The following CMYA5 variants were observed in gnomAD, a reference collection of about 807,000 sequenced individuals.
CMYA5 encodes the protein cardiomyopathy-associated protein 5.
A neutral mutation model predicts 318.9 loss-of-function variants in CMYA5; 246 were observed. That is an observed-to-expected ratio of 0.77 (90% confidence interval 0.70 to 0.86). CMYA5 has a LOEUF of 0.86. Ranked by LOEUF, CMYA5 falls within the 40% of genes least tolerant of loss-of-function variation. The pLI is 0.00. For missense variants in CMYA5, 4,589 were observed against 4,678.2 expected (o/e 0.98, Z 0.56); for synonymous variants, 1,641 against 1,729.5 (o/e 0.95, Z 1.27).
rs1298742931 is a variant in CMYA5 at position 79,731,703 on chromosome 5, TCAC to T, written c.2941_2943del (p.Pro981del). 6.2e-7 allele frequency: 1 copy of T among 1,613,954 alleles called. No individual in the cohort carries two copies. The highest frequency in any genetic ancestry group is 1.1e-5 in the South Asian group (1 of 91,076). On this transcript the variant is annotated inframe_deletion, in exon 2 of 13. Transcript: ENST00000446378. ...GTGCGATTCTCCAATATGTTTAACA[TCAC>T]CATCTGAGCACACTATTTTGTCAGA...
At chr5:79,713,108 G>A (rs1328681451) in intron 1 of CMYA5, among the ~76,000 whole-genome samples, 1 of 152,208 alleles carries the variant, frequency 6.6e-6, no homozygotes. Flanking sequence ...GGTTGGTGTT[G>A]CCTATGGTTG....
At chr5:79,761,736 A>G in intron 7 of CMYA5, 75 bp from the exon 8 acceptor site, 1 of 1,460,520 alleles carries the variant, frequency 6.8e-7, no homozygotes, top group Non-Finnish European at 9.2e-7. Context: ...AAAATCATAG[A>G]TGACTTTCTC....
chr5:79,698,648 G>T (rs1384392842), intron 1 of CMYA5, among the ~76,000 whole-genome samples: 1 of 152,216 alleles, frequency 6.6e-6, no homozygotes, highest in Non-Finnish European at 1.5e-5. Flanking sequence ...TTCCTCAACT[G>T]CCCTGCCACA....
In CMYA5 at chr5:79,734,487, C is replaced by T; in HGVS notation, c.5722C>T (p.Gln1908Ter). ...AGAAAATGTGGCTAGTCAACACGAA[C>T]AGAGAATAGCAGGATCTGTGCAGCT... is the stretch of plus-strand genomic sequence containing the variant. ...KPENVASQHEQRIAGSVQLDS... is the reference protein window; with the variant it reads ...KPENVASQHE Residue 1908 changes from glutamine (Q) to a stop codon, truncating the protein, a stop_gained, in exon 2 of 13, where the codon CAG becomes TAG. Coordinates refer to ENST00000446378, the MANE Select transcript of CMYA5 (RefSeq NM_153610.5). LOFTEE classifies it high-confidence loss of function. 1 of 1,613,678 alleles carries T rather than the reference C, an allele frequency of 6.2e-7. No individual in the cohort carries two copies. Among genetic ancestry groups the T allele is most frequent in the Middle Eastern group, 1.7e-4 (1 of 6,056 alleles).
intron 1 of CMYA5, among the ~76,000 whole-genome samples, chr5:79,694,247 A>C (rs1448110529): frequency 6.6e-6 from 1 of 152,244 alleles, no homozygotes; most frequent in East Asian, 1.9e-4. Context: ...CAAACAAAAA[A>C]CAAGGAAAGC....
At chr5:79,722,921 C>T (rs930533260) in intron 1 of CMYA5, among the ~76,000 whole-genome samples, 1 of 151,990 alleles carries the variant, frequency 6.6e-6, no homozygotes, top group Non-Finnish European at 1.5e-5. Context: ...AAAAGAAATT[C>T]TGAAGTCATA....
intron 1 of CMYA5, among the ~76,000 whole-genome samples, chr5:79,725,560 A>T (rs1206471129): frequency 6.6e-6 from 1 of 152,204 alleles, no homozygotes; most frequent in East Asian, 1.9e-4. Flanking sequence ...ACTCAGCATC[A>T]AACAGTATAC....
chr5:79,756,719 A>G (rs1828537425), intron 6 of CMYA5, among the ~76,000 whole-genome samples: 1 of 151,872 alleles, frequency 6.6e-6, no homozygotes, highest in African/African-American at 2.4e-5. Flanking sequence ...CTTTAGACCC[A>G]TTTGTGTTTT....
Position 79,793,584 on chromosome 5 carries a change from G to T in CMYA5, c.11937G>T (p.Trp3979Cys). The T allele has an allele frequency of 6.2e-7, 1 of 1,612,572 alleles. No individual in the cohort carries two copies. Among genetic ancestry groups the T allele is most frequent in the Non-Finnish European group, 8.5e-7 (1 of 1,178,808 alleles). ...CCCTAGGACAAGGGGAGACCTCATGGTACATGCACTGCTCTGAGCCACAGA... is the reference window on the plus strand; with the variant it reads ...CCCTAGGACAAGGGGAGACCTCATGTTACATGCACTGCTCTGAGCCACAGA... ...AGALGQGETS[W>C]YMHCSEPQRY... The change falls in exon 12 of 13, where the codon TGG becomes TGT. Residue 3979 changes from tryptophan to cysteine, a missense_variant. Around this residue, in one of 3 missense-constraint regions of CMYA5, gnomAD observed 2,431 missense variants for 2,495.1 expected, o/e 0.97. Coordinates refer to ENST00000446378, the MANE Select transcript of CMYA5 (RefSeq NM_153610.5).
chr5:79,743,287 C>T (rs1828255256), intron 2 of CMYA5, among the ~76,000 whole-genome samples: 1 of 152,182 alleles, frequency 6.6e-6, no homozygotes. Context: ...GCTATTACCC[C>T]TTGAGTATTT....
chr5:79,702,578 G>T (rs1437197394), intron 1 of CMYA5, among the ~76,000 whole-genome samples: 2 of 152,140 alleles, frequency 1.3e-5, no homozygotes, highest in African/African-American at 4.8e-5. Flanking sequence ...GAGTAGATTT[G>T]TGTTTGCCTA....
At position 79,759,109 on chromosome 5, in the gene CMYA5, T is replaced by A. The variant is rs906501333; in HGVS notation, c.11260+207T>A. Among the ~76,000 whole-genome samples the A allele has an allele frequency of 1.3e-5, 2 of 152,324 alleles. 1 individual carries two copies. The stretch of plus-strand genomic sequence containing the variant: ...CAAGATCAGGGAAAACAAAATGGCA[T>A]AAATATTATAATAGTCAACACAAAT... On this transcript the variant is annotated intron_variant, in intron 7 of 12. Transcript: ENST00000446378.
chr5:79,705,233 C>G (rs1827248783), intron 1 of CMYA5, among the ~76,000 whole-genome samples: 1 of 152,212 alleles, frequency 6.6e-6, no homozygotes, highest in Non-Finnish European at 1.5e-5. Flanking sequence ...GATCGTGCCA[C>G]TGCACTCCAG....
chr5:79,731,829 G>A lies in CMYA5; in HGVS notation c.3064G>A (p.Glu1022Lys), dbSNP rs750889833. ...RISETEKNEL[E>K]PDSLLTAVSA... is the part of the protein sequence containing the mutation. ...CTCAGAAACAGAGAAAAATGAACTT[G>A]AGCCTGATTCACTATTAACTGCAGT... The change falls in exon 2 of 13, where the codon GAG becomes AAG. Residue 1022 changes from glutamate to lysine, a missense_variant. Physicochemically the swap from Glu to Lys is moderately conservative, Grantham distance 56. Coordinates refer to ENST00000446378, the MANE Select transcript of CMYA5 (RefSeq NM_153610.5). The A allele has an allele frequency of 4.3e-6, 7 of 1,613,000 alleles. 1 individual carries two copies. The South Asian group carries it at 6.6e-5, about 15-fold the overall frequency.
chr5:79,777,373 C>A (rs755575540), intron 9 of CMYA5, among the ~76,000 whole-genome samples: 1 of 152,074 alleles, frequency 6.6e-6, no homozygotes, highest in African/African-American at 2.4e-5. Flanking sequence ...AGTTTTTTAA[C>A]AAATGGTAGC....
intron 9 of CMYA5, among the ~76,000 whole-genome samples, chr5:79,785,233 A>G (rs1829062300): frequency 6.6e-6 from 1 of 152,058 alleles, no homozygotes; most frequent in Non-Finnish European, 1.5e-5. Flanking sequence ...AATTCCTGGT[A>G]GATTAGGTTG....
intron 1 of CMYA5, among the ~76,000 whole-genome samples, chr5:79,716,402 T>C (rs1053080844): frequency 1.3e-5 from 2 of 152,214 alleles, no homozygotes; most frequent in African/African-American, 4.8e-5. Context: ...CCACAGCCTC[T>C]CTTCATATAC....
intron 1 of CMYA5, among the ~76,000 whole-genome samples, chr5:79,721,381 G>A (rs1827625008): frequency 6.6e-6 from 1 of 151,688 alleles, no homozygotes; most frequent in African/African-American, 2.4e-5. Flanking sequence ...ATATAGAATA[G>A]GTAGGACAAA....
intron 4 of CMYA5, 147 bp from the exon 5 acceptor site, chr5:79,746,944 G>A (rs1051207100): frequency 3.9e-6 from 2 of 514,714 alleles, no homozygotes; most frequent in Non-Finnish European, 6.9e-6. Flanking sequence ...AACAACCTCA[G>A]GGAAGCTGAG....
Sources: gnomAD v4.1 joint callset for allele counts (sites outside exome capture counted in the v4.1 genomes callset) on GRCh38, gnomAD v4.1.1 for gene constraint, gnomAD v4.1.1 regional missense constraint, MANE v1.5 for transcripts, NCBI Gene and HGNC (gene_info 2026-07-23, HGNC 2026-07-21) for gene names.